The following BMPER variants were observed in gnomAD, a reference collection of about 807,000 sequenced individuals.
The protein encoded by BMPER is BMP-binding endothelial regulator protein.
Under a neutral mutation model 87.3 loss-of-function variants are expected in BMPER, and 45 were observed. The ratio of observed to expected loss-of-function variants is 0.52; its 90% CI spans 0.41 to 0.66. BMPER has a LOEUF of 0.66. BMPER is among the 30% of genes least tolerant of loss of function. The pLI, the probability that BMPER is intolerant of heterozygous loss-of-function variation, is 0.00. For missense variants in BMPER, 784 were observed against 867.5 expected (o/e 0.90, Z 1.21); for synonymous variants, 326 against 316.2 (o/e 1.03, Z -0.33).
chr7:34,028,341 A>C (rs1285303558), intron 6 of BMPER, among the ~76,000 whole-genome samples: 1 of 152,028 alleles, frequency 6.6e-6, no homozygotes, highest in Non-Finnish European at 1.5e-5. Context: ...TTATGTTAGC[A>C]TGAAATGGGT....
chr7:33,937,339 CTG>C lies in BMPER; in HGVS notation c.273_274del (p.Ala92ProfsTer11). ...AGAAGTGCCCCGTGCTGTCCCGAGACTGTGCCCTGGCCATCAAGCAGAGGGGA... is the reference window on the plus strand; with the variant it reads ...AGAAGTGCCCCGTGCTGTCCCGAGACTGCCCTGGCCATCAAGCAGAGGGGA... ...REKCPVLSRD[C>X]ALAIKQRGAC... On this transcript the variant is annotated frameshift_variant, in exon 3 of 15. Coordinates refer to ENST00000649409, the MANE Select transcript of BMPER (RefSeq NM_001365308.1). LOFTEE classifies it high-confidence loss of function. The C allele has an allele frequency of 6.2e-7, 1 of 1,614,232 alleles. No homozygotes were observed. The highest frequency in any genetic ancestry group is 1.7e-5 in the Admixed American group (1 of 60,030).
intron 14 of BMPER, 132 bp downstream of exon 14, chr7:34,143,492 C>T: frequency 2.2e-6 from 3 of 1,336,796 alleles, no homozygotes; most frequent in South Asian, 1.3e-5. Context: ...TTCCAGTAGC[C>T]CATCTGGATT....
In BMPER at chr7:33,919,495, A is replaced by C. The variant is rs1784164258; in HGVS notation, c.219+12592A>C. Among the ~76,000 whole-genome samples the C allele has an allele frequency of 2.6e-5, 4 of 152,196 alleles. No individual in the cohort carries two copies. The South Asian group carries it at 8.3e-4, about 32-fold the overall frequency. ...ACTCTGAATTAATGGGATCTTCTGT[A>C]TATCCTCAAGACCCCTCTGAGGGTG... is the stretch of plus-strand genomic sequence containing the variant. On this transcript the variant is annotated intron_variant, in intron 2 of 14. Coordinates refer to ENST00000649409, the MANE Select transcript of BMPER (RefSeq NM_001365308.1).
chr7:34,128,421 A>T (rs1277067745), intron 13 of BMPER, among the ~76,000 whole-genome samples: 2 of 152,058 alleles, frequency 1.3e-5, no homozygotes, highest in Non-Finnish European at 1.5e-5. Flanking sequence ...ACCCCGCCTT[A>T]CTCATCTTTG....
intron 13 of BMPER, among the ~76,000 whole-genome samples, chr7:34,089,042 A>G (rs1789300682): frequency 6.6e-6 from 1 of 152,210 alleles, no homozygotes; most frequent in South Asian, 2.1e-4. Context: ...AAAATCAGCA[A>G]TCATACATCC....
chr7:34,095,260 A>G (rs190133491), intron 13 of BMPER, among the ~76,000 whole-genome samples: 1 of 152,308 alleles, frequency 6.6e-6, no homozygotes, highest in East Asian at 1.9e-4. Context: ...TGTTGTTTGT[A>G]GGGGTAGAAT....
intron 6 of BMPER, among the ~76,000 whole-genome samples, chr7:33,999,753 A>C (rs1585723305): frequency 1.3e-5 from 2 of 152,236 alleles, no homozygotes; most frequent in Non-Finnish European, 2.9e-5. Context: ...ATTCTGCATA[A>C]ACCTGAGGCT....
rs546378020 is a variant in BMPER at position 33,916,871 on chromosome 7, C to A, written c.219+9968C>A. On this transcript the variant is annotated intron_variant, in intron 2 of 14. Transcript: ENST00000649409. The stretch of plus-strand genomic sequence containing the variant: ...TGTTAACACTTGGGATAGCTCCCCC[C>A]AGAATGGAACTCCAAGTTCCAAAAC... 5.5e-3 allele frequency among the ~76,000 whole-genome samples: 843 copies of A among 152,180 alleles called. 6 individuals are homozygous for A. Among genetic ancestry groups the A allele is most frequent in the African/African-American group, 0.017 (719 of 41,530 alleles).
intron 13 of BMPER, among the ~76,000 whole-genome samples, chr7:34,118,556 T>C (rs1790175488): frequency 2.0e-5 from 3 of 152,160 alleles, no homozygotes; most frequent in Admixed American, 1.3e-4. Context: ...CAACAGTGCC[T>C]GTGTGGCATG....
In BMPER at chr7:34,003,041, T is replaced by G. The variant is rs371616355; in HGVS notation, c.576+28257T>G. On this transcript the variant is annotated intron_variant, in intron 6 of 14. Coordinates refer to ENST00000649409, the MANE Select transcript of BMPER (RefSeq NM_001365308.1). ...AATTTTTGATAAGATAGGATTTTTA[T>G]CTGATGTTTTGCTGGTTTTTGTATG... Among the ~76,000 whole-genome samples, 22 of 151,976 alleles carry G rather than the reference T, an allele frequency of 1.4e-4. No homozygotes were observed. In the East Asian group the frequency reaches 4.1e-3, roughly 28 times the overall value.
At chr7:34,021,364 G>C (rs1787182485) in intron 6 of BMPER, among the ~76,000 whole-genome samples, 1 of 151,970 alleles carries the variant, frequency 6.6e-6, no homozygotes, top group Non-Finnish European at 1.5e-5. Context: ...CTGACTTACT[G>C]AATTCAAATC....
intron 6 of BMPER, among the ~76,000 whole-genome samples, chr7:33,987,786 T>C (rs773595762): frequency 2.0e-5 from 3 of 152,186 alleles, no homozygotes; most frequent in Non-Finnish European, 4.4e-5. Flanking sequence ...CAAAACTATG[T>C]GAGGACTTCT....
chr7:34,012,158 T>C (rs1389288808), intron 6 of BMPER, among the ~76,000 whole-genome samples: 4 of 151,932 alleles, frequency 2.6e-5, no homozygotes, highest in Non-Finnish European at 5.9e-5. Flanking sequence ...AAGAAACTTC[T>C]GTAAGCTAAA....
At chr7:33,935,367 T>A (rs1784577496) in intron 2 of BMPER, among the ~76,000 whole-genome samples, 1 of 152,054 alleles carries the variant, frequency 6.6e-6, no homozygotes, top group African/African-American at 2.4e-5. Flanking sequence ...AACATTGGAA[T>A]TACCTGGGAG....
intron 2 of BMPER, among the ~76,000 whole-genome samples, chr7:33,931,135 T>A (rs1456374164): frequency 6.6e-6 from 1 of 152,216 alleles, no homozygotes; most frequent in Non-Finnish European, 1.5e-5. Flanking sequence ...GGCAGAAACG[T>A]GGCAGGAGAC....
chr7:33,918,595 T>A (rs953649101), intron 2 of BMPER, among the ~76,000 whole-genome samples: 8 of 152,200 alleles, frequency 5.3e-5, no homozygotes, highest in African/African-American at 1.9e-4. Flanking sequence ...AGGGGAACAC[T>A]CTTTTCCTGA....
intron 13 of BMPER, among the ~76,000 whole-genome samples, chr7:34,090,712 A>G (rs1181368684): frequency 1.3e-5 from 2 of 152,210 alleles, no homozygotes; most frequent in East Asian, 1.9e-4. Flanking sequence ...GCAAGTAAGT[A>G]TAACTTGCCC....
chr7:34,037,050 G>A (rs559500205), intron 6 of BMPER, among the ~76,000 whole-genome samples: 5 of 152,152 alleles, frequency 3.3e-5, no homozygotes, highest in Non-Finnish European at 5.9e-5. Context: ...TTCAAATGGA[G>A]TTTAGTGGCT....
At chr7:34,093,655 T>G (rs776137750) in intron 13 of BMPER, among the ~76,000 whole-genome samples, 4 of 152,210 alleles carry the variant, frequency 2.6e-5, no homozygotes, top group African/African-American at 4.8e-5. Flanking sequence ...GATTTGATTT[T>G]ATATATTTAG....
Sources: allele counts gnomAD v4.1 joint callset (sites outside exome capture counted in the v4.1 genomes callset), GRCh38; gene constraint gnomAD v4.1.1; transcripts MANE v1.5; gene names NCBI Gene and HGNC (gene_info 2026-07-23, HGNC 2026-07-21).